TRPM1: variants seen among roughly 807,000 people sequenced by gnomAD.
TRPM1 encodes the protein TRPM1-203 APA Isoform, Intron 10.
A neutral mutation model predicts 149.4 loss-of-function variants in TRPM1; 113 were observed. That is an observed-to-expected ratio of 0.76 (90% CI 0.65 to 0.88). The LOEUF is 0.88. Ranked by LOEUF, TRPM1 falls within the 40% of genes least tolerant of loss-of-function variation. The pLI is 0.00. For missense variants in TRPM1, 1,976 were observed against 2,038.7 expected, an observed-to-expected ratio of 0.97 and a Z score of 0.59; for synonymous variants, 741 against 759.5, an observed-to-expected ratio of 0.98 and a Z score of 0.40.
chr15:31,089,358 G>A (rs1017348686), intron 1 of TRPM1, among the ~76,000 whole-genome samples: 2 of 152,192 alleles, frequency 1.3e-5, no homozygotes, highest in Non-Finnish European at 2.9e-5. Flanking sequence ...AATCCGGGAG[G>A]CTATCTTGGT....
At chr15:31,149,484 GGTGCATGGCTGCTATA>G (rs2036264358) in intron 1 of TRPM1, among the ~76,000 whole-genome samples, 1 of 151,836 alleles carries the variant, frequency 6.6e-6, no homozygotes, top group South Asian at 2.1e-4. Context: ...GGGTCCTTGG[GGTGCATGGCTGCTATA>G]GCTCGTCATG....
At chr15:31,046,381 G>T in intron 15 of TRPM1, 148 bp from the exon 16 acceptor site, 2 of 792,240 alleles carry the variant, frequency 2.5e-6, no homozygotes, top group Non-Finnish European at 4.2e-6. Flanking sequence ...CCAAGGAAAA[G>T]AAGTGCTTTA....
At chr15:31,007,646 AGC>A (rs56172404) in intron 27 of TRPM1, among the ~76,000 whole-genome samples, 46,853 of 109,080 alleles carry the variant, frequency 0.43, 7,799 homozygotes, top group Admixed American at 0.51. Flanking sequence ...TAACAACAGC[AGC>A]GCAGCAACAA....
intron 16 of TRPM1, among the ~76,000 whole-genome samples, chr15:31,044,768 G>T (rs1426366581): frequency 7.9e-6 from 1 of 125,922 alleles, no homozygotes; most frequent in Admixed American, 8.5e-5. Flanking sequence ...GTGACAGAGT[G>T]AGACTCCTAC....
intron 1 of TRPM1, among the ~76,000 whole-genome samples, chr15:31,138,656 A>G (rs936433899): frequency 1.3e-5 from 2 of 152,124 alleles, no homozygotes; most frequent in Non-Finnish European, 2.9e-5. Context: ...CCAGAAGTTC[A>G]AGAGCAGCCT....
intron 1 of TRPM1, among the ~76,000 whole-genome samples, chr15:31,088,889 A>C (rs1328763845): frequency 6.6e-6 from 1 of 151,556 alleles, no homozygotes; most frequent in Non-Finnish European, 1.5e-5. Flanking sequence ...CCCGAGCGGG[A>C]GATCAGTGTT....
chr15:31,099,842 T>C (rs1299473517), intron 1 of TRPM1, among the ~76,000 whole-genome samples: 1 of 152,196 alleles, frequency 6.6e-6, no homozygotes, highest in Non-Finnish European at 1.5e-5. Context: ...TGCTGGATAG[T>C]TCAAAACAAT....
intron 1 of TRPM1, among the ~76,000 whole-genome samples, chr15:31,096,693 G>T (rs1186282004): frequency 6.6e-6 from 1 of 152,222 alleles, no homozygotes; most frequent in African/African-American, 2.4e-5. Context: ...TCTTGTGCCT[G>T]CCTGGTTCCC....
chr15:31,132,831 G>A (rs1278767128), intron 1 of TRPM1, among the ~76,000 whole-genome samples: 3 of 152,118 alleles, frequency 2.0e-5, no homozygotes, highest in Admixed American at 2.0e-4. Context: ...GAGACCTGAT[G>A]GTTTTATAAA....
At position 31,040,285 on chromosome 15, in the gene TRPM1, C is replaced by G. The variant is rs138944426; in HGVS notation, c.2149G>C (p.Ala717Pro). The change falls in exon 18 of 28, where the codon GCT becomes CCT. Residue 717 changes from alanine to proline, a missense_variant. Ala to Pro is a conservative substitution (Grantham distance 27). Around this residue, in one of 3 missense-constraint regions of TRPM1, gnomAD observed 1,332 missense variants for 1,347.1 expected, o/e 0.99. Transcript: ENST00000256552. This position sits in a 1 kb window ranked among gnomAD's most constrained non-coding sequence, Gnocchi z 4.2. ...AGCTCGTAGGTCAGGAGTTTCATAG[C>G]GATCTGCTCGTCATGCTTATAGGAC... The part of the protein sequence containing the change: ...DQSYKHDEQI[A>P]MKLLTYELKN... 3.3e-3 allele frequency: 5,359 copies of G among 1,614,158 alleles called. 89 individuals are homozygous for G. The Admixed American group carries it at 0.048, about 14-fold the overall frequency.
At chr15:31,068,333 C>G (rs1028310237) in intron 4 of TRPM1, among the ~76,000 whole-genome samples, 2 of 152,144 alleles carry the variant, frequency 1.3e-5, no homozygotes, top group Non-Finnish European at 2.9e-5. Flanking sequence ...TTGTATTCCC[C>G]TAAAATTCAC....
intron 8 of TRPM1, 135 bp from the exon 9 acceptor site, chr15:31,062,837 T>C: frequency 1.8e-6 from 2 of 1,088,160 alleles, no homozygotes; most frequent in Non-Finnish European, 1.4e-6. Context: ...AAAGTAACCA[T>C]AGTCAAACAT....
chr15:31,023,923 G>A (rs2032632480), intron 27 of TRPM1, among the ~76,000 whole-genome samples: 2 of 152,140 alleles, frequency 1.3e-5, no homozygotes, highest in Admixed American at 1.3e-4. Context: ...GCATTTTATA[G>A]GTAAATTTCC....
chr15:31,126,556 T>C (rs900390995), intron 1 of TRPM1, among the ~76,000 whole-genome samples: 2 of 152,190 alleles, frequency 1.3e-5, no homozygotes, highest in African/African-American at 4.8e-5. Context: ...TAGGAGGTGG[T>C]GGCCAGAAGC....
At chr15:31,143,570 A>T (rs1289184970) in intron 1 of TRPM1, among the ~76,000 whole-genome samples, 1 of 151,806 alleles carries the variant, frequency 6.6e-6, no homozygotes, top group Non-Finnish European at 1.5e-5. Flanking sequence ...GTGTCACCAA[A>T]CCTGGCTAAT....
intron 1 of TRPM1, among the ~76,000 whole-genome samples, chr15:31,122,099 A>G (rs770200167): frequency 4.0e-4 from 61 of 152,324 alleles, no homozygotes; most frequent in Non-Finnish European, 7.6e-4. Flanking sequence ...TCATATCAAT[A>G]GATGTAGAAG....
intron 1 of TRPM1, among the ~76,000 whole-genome samples, chr15:31,122,949 T>C (rs955837602): frequency 6.6e-6 from 1 of 152,290 alleles, no homozygotes; most frequent in African/African-American, 2.4e-5. Context: ...TATAAAGCTA[T>C]AATAATTAAG....
chr15:31,160,166 G>T (rs59799200), intron 1 of TRPM1, among the ~76,000 whole-genome samples: 1 of 152,132 alleles, frequency 6.6e-6, no homozygotes, highest in South Asian at 2.1e-4. Context: ...GGGAGTTAGG[G>T]TGAGGTGGTG....
intron 24 of TRPM1, 123 bp from the exon 25 acceptor site, chr15:31,028,599 A>G: frequency 7.9e-7 from 1 of 1,265,370 alleles, no homozygotes; most frequent in Non-Finnish European, 1.1e-6. Flanking sequence ...TTCATAAGCA[A>G]TATTTTTTCC....
Sources: gnomAD v4.1 joint callset for allele counts (sites outside exome capture counted in the v4.1 genomes callset) on GRCh38, gnomAD v4.1.1 for gene constraint, gnomAD v4.1.1 regional missense constraint, Gnocchi (gnomAD v3.1) non-coding constraint, MANE v1.5 for transcripts, NCBI Gene and HGNC (gene_info 2026-07-23, HGNC 2026-07-21) for gene names.